Variants in RASA1 observed in about 807,000 individuals in gnomAD.
RASA1 encodes the protein RAS p21 protein activator 1, also known as ras GTPase-activating protein 1.
RASA1 carries 25 observed loss-of-function variants against 132.2 expected under a neutral mutation model. The observed-to-expected ratio is 0.19, with a 90% CI of 0.14 to 0.26. The LOEUF is 0.26. Among genes scored for constraint, RASA1 ranks in the 10% least tolerant of loss-of-function variants. The pLI, the probability that RASA1 is intolerant of heterozygous loss-of-function variation, is 1.00. For missense variants in RASA1, 964 were observed against 1,299.2 expected, an observed-to-expected ratio of 0.74 and a Z score of 3.97; for synonymous variants, 477 against 449.9, an observed-to-expected ratio of 1.06 and a Z score of -0.76.
chr5:87,286,972 TATATATACCATATATAC>T (rs1754605912), intron 1 of RASA1, among the ~76,000 whole-genome samples: 2 of 148,150 alleles, frequency 1.3e-5, no homozygotes, highest in Non-Finnish European at 3.0e-5. Context: ...ATATACACCA[TATATATACCATATATAC>T]ACACCATATA....
intron 1 of RASA1, among the ~76,000 whole-genome samples, chr5:87,286,860 A>G (rs970919822): frequency 1.3e-5 from 2 of 150,486 alleles, no homozygotes; most frequent in South Asian, 2.1e-4. Flanking sequence ...TACACCATAT[A>G]CATATACACC....
chr5:87,306,710 G>C (rs1755630975), intron 1 of RASA1, among the ~76,000 whole-genome samples: 4 of 151,898 alleles, frequency 2.6e-5, no homozygotes, highest in Admixed American at 2.6e-4. Flanking sequence ...GAAAAATCTT[G>C]CTGGGGTATA....
intron 11 of RASA1, among the ~76,000 whole-genome samples, chr5:87,366,108 AT>A (rs1760493911): frequency 6.6e-6 from 1 of 152,172 alleles, no homozygotes; most frequent in East Asian, 1.9e-4. Context: ...CATTTTGCAG[AT>A]TTACTGAAGA....
In RASA1 at chr5:87,307,631, T is replaced by C. The variant is rs565709494; in HGVS notation, c.540-23717T>C. Among the ~76,000 whole-genome samples, 29 of 152,376 alleles carry C rather than the reference T, an allele frequency of 1.9e-4. No individual in the cohort carries two copies. The South Asian group carries it at 3.9e-3, about 21-fold the overall frequency. ...CCTGTATTTTCTTGAATAACTGTTA[T>C]AGCCTTCTGTCTGTAATTTTAAAAT... is the stretch of plus-strand genomic sequence containing the variant. On this transcript the variant is annotated intron_variant, in intron 1 of 24. Coordinates refer to ENST00000274376, the MANE Select transcript of RASA1 (RefSeq NM_002890.3).
chr5:87,297,373 A>G (rs1332483055), intron 1 of RASA1, among the ~76,000 whole-genome samples: 1 of 152,230 alleles, frequency 6.6e-6, no homozygotes, highest in Non-Finnish European at 1.5e-5. Context: ...TGCTGCAAAT[A>G]GGCCTTTAGT....
intron 1 of RASA1, among the ~76,000 whole-genome samples, chr5:87,272,278 G>A (rs929264014): frequency 6.6e-6 from 1 of 152,170 alleles, no homozygotes; most frequent in Middle Eastern, 3.4e-3. Flanking sequence ...ACTTGTTCAT[G>A]TTCTAAAAAA....
intron 1 of RASA1, among the ~76,000 whole-genome samples, chr5:87,276,453 G>C (rs1027525145): frequency 6.6e-6 from 1 of 152,078 alleles, no homozygotes; most frequent in African/African-American, 2.4e-5. Flanking sequence ...CAGGATTTAG[G>C]GTATGATGAT....
intron 1 of RASA1, among the ~76,000 whole-genome samples, chr5:87,320,270 C>T (rs1756690026): frequency 6.6e-6 from 1 of 152,200 alleles, no homozygotes; most frequent in South Asian, 2.1e-4. Flanking sequence ...CAAACTGTTC[C>T]AGCCTCTGCC....
At chr5:87,338,723 G>A (rs1049973589) in intron 5 of RASA1, among the ~76,000 whole-genome samples, 1 of 150,464 alleles carries the variant, frequency 6.6e-6, no homozygotes, top group Non-Finnish European at 1.5e-5. Flanking sequence ...TTCCTCATAA[G>A]TGAAGTTATA....
chr5:87,283,148 G>GTTTTTTTTTTTTTTTTT (rs200461511), intron 1 of RASA1, among the ~76,000 whole-genome samples: 1 of 103,256 alleles, frequency 9.7e-6, no homozygotes, highest in African/African-American at 3.6e-5. Context: ...TTTTTTTTGT[G>GTTTTTTTTTTTTTTTTT]TTTTTTTTTT....
At chr5:87,390,654 TA>T in intron 24 of RASA1, 145 bp from the exon 25 acceptor site, 2 of 724,096 alleles carry the variant, frequency 2.8e-6, no homozygotes, top group Non-Finnish European at 5.0e-6. Context: ...AATGACTGAA[TA>T]ATAGAGACTT....
intron 9 of RASA1, 93 bp from the exon 10 acceptor site, chr5:87,362,458 A>T (rs2112455753): frequency 7.8e-7 from 1 of 1,276,338 alleles, no homozygotes; most frequent in Non-Finnish European, 1.1e-6. Flanking sequence ...TTAGTATTTT[A>T]AGCGCTTTGG....
intron 1 of RASA1, among the ~76,000 whole-genome samples, chr5:87,290,956 T>G (rs528445435): frequency 2.0e-5 from 3 of 152,212 alleles, no homozygotes; most frequent in Non-Finnish European, 4.4e-5. Context: ...AGTTTTCAAT[T>G]TATTGGGATA....
intron 1 of RASA1, among the ~76,000 whole-genome samples, chr5:87,287,376 TAC>T (rs1335773854): frequency 1.4e-5 from 2 of 145,428 alleles, no homozygotes; most frequent in African/African-American, 5.1e-5. Context: ...ATACCATATA[TAC>T]ACACACCATA....
At chr5:87,295,531 T>A (rs531788626) in intron 1 of RASA1, among the ~76,000 whole-genome samples, 5 of 151,576 alleles carry the variant, frequency 3.3e-5, no homozygotes, top group South Asian at 4.1e-4. Flanking sequence ...TTATTTATTT[T>A]TTTGAGACAC....
At chr5:87,286,456 T>C (rs1379340224) in intron 1 of RASA1, among the ~76,000 whole-genome samples, 1 of 151,914 alleles carries the variant, frequency 6.6e-6, no homozygotes, top group Non-Finnish European at 1.5e-5. Context: ...AAATTCCTGA[T>C]ACATTATGAC....
At chr5:87,381,125 A>T (rs975287964) in intron 20 of RASA1, among the ~76,000 whole-genome samples, 1 of 152,124 alleles carries the variant, frequency 6.6e-6, no homozygotes, top group Non-Finnish European at 1.5e-5. Flanking sequence ...TCATTATTCT[A>T]TAGGAAGAAC....
In RASA1 at chr5:87,346,665, T is replaced by C. The variant is rs1758886139; in HGVS notation, c.1050-7T>C. The C allele has an allele frequency of 6.5e-7, 1 of 1,530,264 alleles. No homozygotes were observed. Among genetic ancestry groups the C allele is most frequent in the Non-Finnish European group, 9.0e-7 (1 of 1,107,042 alleles). 94.8% of individuals were successfully genotyped at this position (1,530,264 alleles called of 1,614,324 possible). A position where few individuals can be genotyped will look rare whatever the true frequency, so the allele number is the denominator to read the frequency against. ...TATTTATATATCTAATTTATTCTCT[T>C]TTTAAGATGGTTCCATGGGAAGATT... On this transcript the variant is annotated splice_region_variant and splice_polypyrimidine_tract_variant and intron_variant, in intron 6 of 24. Transcript: ENST00000274376.
At chr5:87,275,191 A>T (rs776735921) in intron 1 of RASA1, among the ~76,000 whole-genome samples, 1 of 152,210 alleles carries the variant, frequency 6.6e-6, no homozygotes, top group Non-Finnish European at 1.5e-5. Flanking sequence ...CCAGAAAAGT[A>T]CCTTTTGGGA....
Sources: gnomAD v4.1 joint callset for allele counts (sites outside exome capture counted in the v4.1 genomes callset) on GRCh38, gnomAD v4.1.1 for gene constraint, MANE v1.5 for transcripts, NCBI Gene and HGNC (gene_info 2026-07-23, HGNC 2026-07-21) for gene names.